The following MAST4 variants were observed in gnomAD, a reference collection of about 807,000 sequenced individuals.
MAST4 encodes microtubule associated serine/threonine kinase family member 4.
MAST4 carries 89 observed loss-of-function variants against 162.7 expected under a neutral mutation model. The observed-to-expected ratio is 0.55, with a 90% confidence interval of 0.46 to 0.65. The LOEUF (loss-of-function observed/expected upper bound fraction) is 0.65. Among genes scored for constraint, MAST4 ranks in the 30% least tolerant of loss-of-function variants. The pLI, the probability that MAST4 is intolerant of heterozygous loss-of-function variation, is 0.00. For missense variants in MAST4, 3,153 were observed against 3,374.0 expected, an observed-to-expected ratio of 0.93 and a Z score of 1.62; for synonymous variants, 1,479 against 1,361.1, an observed-to-expected ratio of 1.09 and a Z score of -1.91.
At position 66,972,389 on chromosome 5, in the gene MAST4, C is replaced by T. The variant is rs77593443; in HGVS notation, c.674+72407C>T. Among the ~76,000 whole-genome samples the T allele has an allele frequency of 1.5e-4, 23 of 152,280 alleles. No individual in the cohort carries two copies. In the East Asian group the frequency reaches 4.2e-3, roughly 28 times the overall value. Reference sequence around the variant, plus strand: ...TTAATAAAACATTATGGAGATACCCCACATTGAGAAGAACATTTACTTTCT... The same window carrying T: ...TTAATAAAACATTATGGAGATACCCTACATTGAGAAGAACATTTACTTTCT... On this transcript the variant is annotated intron_variant, in intron 4 of 28. Coordinates refer to ENST00000403625, the MANE Select transcript of MAST4 (RefSeq NM_001164664.2).
chr5:67,159,105 G>T (rs1409901751), intron 26 of MAST4, among the ~76,000 whole-genome samples: 1 of 152,086 alleles, frequency 6.6e-6, no homozygotes, highest in Non-Finnish European at 1.5e-5. Flanking sequence ...CCATCTGATC[G>T]GATATATTGC....
At chr5:66,860,906 A>G (rs1168861256) in intron 3 of MAST4, among the ~76,000 whole-genome samples, 2 of 152,126 alleles carry the variant, frequency 1.3e-5, no homozygotes, top group Non-Finnish European at 2.9e-5. Flanking sequence ...GGCGCTGTGC[A>G]TGGCGGAAGC....
At chr5:66,788,889 C>T (rs769544778) in intron 3 of MAST4, 95 bp downstream of exon 3, 16 of 1,368,118 alleles carry the variant, frequency 1.2e-5, no homozygotes, top group African/African-American at 1.5e-5. Flanking sequence ...TTAAACTTAC[C>T]CACATGTGAC....
chr5:66,789,659 A>G lies in MAST4; in HGVS notation c.642+865A>G, dbSNP rs376443472. 77 of 510,506 alleles carry G rather than the reference A, an allele frequency of 1.5e-4. No homozygotes were observed. In the East Asian group the frequency reaches 3.0e-3, roughly 20 times the overall value. The allele number at this position is 510,506 out of a possible 1,614,324, so 31.6% of individuals were successfully genotyped here. ...AAGGAATGAGGTCTGGAGGCCCATC[A>G]CATCCATCTGCCCCTCTCTGTGATG... On this transcript the variant is annotated intron_variant, in intron 3 of 28. Transcript: ENST00000403625.
At chr5:66,686,798 A>G (rs1339509504) in intron 1 of MAST4, among the ~76,000 whole-genome samples, 18 of 152,234 alleles carry the variant, frequency 1.2e-4, no homozygotes, top group Admixed American at 1.2e-3. Flanking sequence ...CTCAGAGGGT[A>G]GGGACTACAG....
At position 66,749,219 on chromosome 5, in the gene MAST4, G is replaced by C. The variant is rs150798725; in HGVS notation, c.364-10490G>C. ...AGCTCTTTTCATGCATCATCTCTCT[G>C]CATCCTAACTGCATCTCTGAGGTCC... On this transcript the variant is annotated intron_variant, in intron 1 of 28. Transcript: ENST00000403625. Among the ~76,000 whole-genome samples, 98 of 152,154 alleles carry C rather than the reference G, an allele frequency of 6.4e-4. 1 individual carries two copies. The highest frequency in any genetic ancestry group is 6.8e-3 in the Middle Eastern group (2 of 294).
chr5:66,969,367 C>A (rs142048766), intron 4 of MAST4, among the ~76,000 whole-genome samples: 2 of 152,190 alleles, frequency 1.3e-5, no homozygotes, highest in African/African-American at 4.8e-5. Flanking sequence ...GCTTTGTGAC[C>A]CTGGGCAAGT....
intron 3 of MAST4, among the ~76,000 whole-genome samples, chr5:66,874,628 A>G (rs1373570396): frequency 1.3e-5 from 2 of 152,206 alleles, no homozygotes; most frequent in African/African-American, 4.8e-5. Flanking sequence ...ACCCAAATTC[A>G]CAGATAATCC....
At chr5:66,905,500 C>T (rs1278391594) in intron 4 of MAST4, among the ~76,000 whole-genome samples, 1 of 152,126 alleles carries the variant, frequency 6.6e-6, no homozygotes, top group Non-Finnish European at 1.5e-5. Flanking sequence ...ACAATACTAG[C>T]AGCTGGTAAC....
chr5:66,876,107 C>G (rs1435949811), intron 3 of MAST4, among the ~76,000 whole-genome samples: 3 of 152,204 alleles, frequency 2.0e-5, no homozygotes, highest in Admixed American at 2.0e-4. Context: ...TTATCGTACA[C>G]TCAGCAGTGT....
At chr5:66,607,686 T>C (rs1742980844) in intron 1 of MAST4, among the ~76,000 whole-genome samples, 1 of 152,236 alleles carries the variant, frequency 6.6e-6, no homozygotes, top group Non-Finnish European at 1.5e-5. Context: ...TCTGAACTCC[T>C]GCCTTGGCTT....
At chr5:66,649,946 G>A (rs372092646) in intron 1 of MAST4, among the ~76,000 whole-genome samples, 126 of 152,102 alleles carry the variant, frequency 8.3e-4, no homozygotes, top group African/African-American at 3.0e-3. Context: ...TTGCCCATTG[G>A]CTTCTCACTT....
intron 4 of MAST4, among the ~76,000 whole-genome samples, chr5:66,986,114 T>A (rs1749458929): frequency 2.0e-5 from 3 of 152,206 alleles, no homozygotes; most frequent in Non-Finnish European, 4.4e-5. Flanking sequence ...TAATTCTGTC[T>A]AATTCCATTT....
rs567982264 is a variant in MAST4 at position 66,871,656 on chromosome 5, T to A, written c.643-28295T>A. 2.0e-5 allele frequency among the ~76,000 whole-genome samples: 3 copies of A among 152,322 alleles called. No homozygotes were observed. The East Asian group carries it at 5.8e-4, about 29-fold the overall frequency. On this transcript the variant is annotated intron_variant, in intron 3 of 28. Coordinates refer to ENST00000403625, the MANE Select transcript of MAST4 (RefSeq NM_001164664.2). ...CATGAAGCCTGTCCTGTAAACTCAA[T>A]GAAGTTCCAGCTTTCTGGCGTTTTT...
chr5:66,965,153 A>G (rs1282699930), intron 4 of MAST4, among the ~76,000 whole-genome samples: 3 of 151,172 alleles, frequency 2.0e-5, no homozygotes, highest in African/African-American at 7.3e-5. Flanking sequence ...AGTTTTGTGT[A>G]ATAGCTTTTA....
intron 1 of MAST4, among the ~76,000 whole-genome samples, chr5:66,617,118 T>C (rs1188903963): frequency 6.6e-6 from 1 of 152,220 alleles, no homozygotes. Context: ...AAATGGAGTA[T>C]GAGGCACTCA....
rs16895583 is a variant in MAST4 at position 66,766,573 on chromosome 5, T to G, written c.517+6711T>G. Among the ~76,000 whole-genome samples the G allele has an allele frequency of 0.012, 1,819 of 152,214 alleles. 102 individuals carry two copies. In the East Asian group the frequency reaches 0.17, roughly 14 times the overall value. Reference sequence around the variant, plus strand: ...ACAATCCCAGAAAACATTCTTTCATTTAAAATTAACCTGGAAGCTATTGCT... The same window carrying G: ...ACAATCCCAGAAAACATTCTTTCATGTAAAATTAACCTGGAAGCTATTGCT... On this transcript the variant is annotated intron_variant, in intron 2 of 28. Transcript: ENST00000403625.
intron 4 of MAST4, among the ~76,000 whole-genome samples, chr5:66,904,320 G>C (rs1364809726): frequency 6.6e-6 from 1 of 152,152 alleles, no homozygotes; most frequent in African/African-American, 2.4e-5. Flanking sequence ...CCAGGACAGA[G>C]AGGCTTCTTT....
At chr5:66,772,217 G>C (rs1754390930) in intron 2 of MAST4, among the ~76,000 whole-genome samples, 1 of 152,192 alleles carries the variant, frequency 6.6e-6, no homozygotes, top group Admixed American at 6.5e-5. Flanking sequence ...AGAAGATGGT[G>C]GGTGGTACCA....
Sources: gnomAD v4.1 joint callset for allele counts (sites outside exome capture counted in the v4.1 genomes callset) on GRCh38, gnomAD v4.1.1 for gene constraint, MANE v1.5 for transcripts, NCBI Gene and HGNC (gene_info 2026-07-23, HGNC 2026-07-21) for gene names.